INPP5B: variants seen among roughly 807,000 people sequenced by gnomAD.
The protein encoded by INPP5B is type II inositol 1,4,5-trisphosphate 5-phosphatase.
Under a neutral mutation model 118.5 loss-of-function variants are expected in INPP5B, and 90 were observed. That is an observed-to-expected ratio of 0.76 (90% confidence interval 0.64 to 0.90). INPP5B has a LOEUF of 0.90. INPP5B is among the 40% of genes least tolerant of loss of function. The pLI, the probability that INPP5B is intolerant of heterozygous loss-of-function variation, is 0.00. For synonymous variants in INPP5B, 385 were observed against 418.9 expected, an observed-to-expected ratio of 0.92 and a Z score of 0.99; for missense variants, 984 against 1,125.6, an observed-to-expected ratio of 0.87 and a Z score of 1.80.
intron 7 of INPP5B, among the ~76,000 whole-genome samples, chr1:37,906,979 A>G (rs1570239139): frequency 6.6e-6 from 1 of 152,316 alleles, no homozygotes; most frequent in Non-Finnish European, 1.5e-5. Context: ...CTATTAACCA[A>G]CTAGTGATCT....
intron 7 of INPP5B, among the ~76,000 whole-genome samples, chr1:37,894,561 CTTTT>C (rs759895009): frequency 1.4e-5 from 2 of 139,022 alleles, no homozygotes; most frequent in African/African-American, 2.6e-5. Flanking sequence ...TTTCTTTTTT[CTTTT>C]TTTTTTTTTT....
rs757069566 is a variant in INPP5B at position 37,865,930 on chromosome 1, A to G, written c.2387-42T>C. The G allele has an allele frequency of 3.9e-5, 63 of 1,604,100 alleles. 2 individuals carry two copies. The South Asian group carries it at 6.2e-4, about 16-fold the overall frequency. On this transcript the variant is annotated intron_variant, in intron 21 of 23. Coordinates refer to ENST00000373024, the MANE Select transcript of INPP5B (RefSeq NM_005540.3). ...TAAGGAACCGATAATGCTGCTGTCC[A>G]TGGTTAGGAAAAGGCCCAGGAGCAA...
intron 7 of INPP5B, 35 bp from the exon 8 acceptor site, chr1:37,891,489 C>T (rs757256490): frequency 2.7e-6 from 4 of 1,463,018 alleles, no homozygotes; most frequent in Non-Finnish European, 3.8e-6. Flanking sequence ...AATATACATA[C>T]ATAGGCTGGA....
At chr1:37,924,165 C>T (rs1645145777) in intron 7 of INPP5B, among the ~76,000 whole-genome samples, 1 of 150,316 alleles carries the variant, frequency 6.7e-6, no homozygotes, top group Non-Finnish European at 1.5e-5. Flanking sequence ...GAGCATTTAC[C>T]ATTTCTTTTT....
At chr1:37,893,994 G>T (rs1643925269) in intron 7 of INPP5B, among the ~76,000 whole-genome samples, 1 of 152,200 alleles carries the variant, frequency 6.6e-6, no homozygotes, top group African/African-American at 2.4e-5. Flanking sequence ...AGGTCATACA[G>T]TCTCTTGCAA....
chr1:37,876,066 T>G (rs1376223974), intron 16 of INPP5B, among the ~76,000 whole-genome samples: 1 of 152,048 alleles, frequency 6.6e-6, no homozygotes, highest in African/African-American at 2.4e-5. Flanking sequence ...CAGTGAGAAC[T>G]TTTTCTAAGG....
intron 15 of INPP5B, 112 bp from the exon 16 acceptor site, chr1:37,878,435 G>A: frequency 6.7e-7 from 1 of 1,500,546 alleles, no homozygotes. Context: ...ATGTCCATGT[G>A]GCTAAGTCAT....
At chr1:37,871,103 A>G (rs957719109) in intron 19 of INPP5B, among the ~76,000 whole-genome samples, 1 of 146,236 alleles carries the variant, frequency 6.8e-6, no homozygotes, top group Non-Finnish European at 1.5e-5. Context: ...GGTTGCAGTG[A>G]GCCCAGATCG....
intron 7 of INPP5B, among the ~76,000 whole-genome samples, chr1:37,909,400 C>T (rs1644609282): frequency 6.6e-6 from 1 of 152,136 alleles, no homozygotes; most frequent in Non-Finnish European, 1.5e-5. Context: ...TCTATTACCT[C>T]CCCTCCTCAC....
At chr1:37,927,975 G>A (rs1318567026) in intron 7 of INPP5B, among the ~76,000 whole-genome samples, 1 of 152,194 alleles carries the variant, frequency 6.6e-6, no homozygotes, top group Admixed American at 6.5e-5. Flanking sequence ...GGCAAAGAAT[G>A]AAGACCAGAT....
chr1:37,907,429 CCCT>C lies in INPP5B; in HGVS notation c.533-15978_533-15976del, dbSNP rs1644537947. 6.6e-6 allele frequency among the ~76,000 whole-genome samples: 1 copy of C among 152,242 alleles called. No individual in the cohort carries two copies. Among genetic ancestry groups the C allele is most frequent in the East Asian group, 1.9e-4 (1 of 5,176 alleles). ...GAAGTTACAGAAGATGGATTTTCAT[CCCT>C]TTGCAACCCTTATGATTAAGGGCTC... On this transcript the variant is annotated intron_variant, in intron 7 of 23. Coordinates refer to ENST00000373024, the MANE Select transcript of INPP5B (RefSeq NM_005540.3). The surrounding 1 kb of genome is among the most constrained non-coding windows in gnomAD (Gnocchi z 4.3).
intron 6 of INPP5B, among the ~76,000 whole-genome samples, chr1:37,938,458 C>T (rs141861680): frequency 6.6e-6 from 1 of 152,186 alleles, no homozygotes; most frequent in East Asian, 1.9e-4. Context: ...TGAGTTCCTG[C>T]TATGTGGTAG....
At chr1:37,897,640 GT>G (rs1644170695) in intron 7 of INPP5B, among the ~76,000 whole-genome samples, 1 of 151,120 alleles carries the variant, frequency 6.6e-6, no homozygotes, top group South Asian at 2.1e-4. Flanking sequence ...AGAGACCTTT[GT>G]TCACTTGTTT....
intron 3 of INPP5B, among the ~76,000 whole-genome samples, chr1:37,944,584 G>A (rs1051913910): frequency 3.5e-5 from 5 of 143,132 alleles, no homozygotes; most frequent in African/African-American, 5.1e-5. Flanking sequence ...CATGGTGTTC[G>A]TTTTTTTTTT....
chr1:37,939,238 C>T (rs1434659445), intron 6 of INPP5B, among the ~76,000 whole-genome samples: 1 of 149,136 alleles, frequency 6.7e-6, no homozygotes, highest in Non-Finnish European at 1.5e-5. Flanking sequence ...GTGGTGGGCG[C>T]CTGTAATCCC....
intron 7 of INPP5B, among the ~76,000 whole-genome samples, chr1:37,896,519 G>A (rs1221776158): frequency 6.8e-6 from 1 of 146,852 alleles, no homozygotes; most frequent in African/African-American, 2.5e-5. Flanking sequence ...GGCAGGTGAG[G>A]GGCGCCTCTG....
intron 7 of INPP5B, among the ~76,000 whole-genome samples, chr1:37,908,641 G>A (rs931628974): frequency 5.3e-5 from 8 of 151,626 alleles, no homozygotes; most frequent in East Asian, 1.9e-4. Flanking sequence ...AAACTCTGGC[G>A]CCAGTCACGG....
intron 6 of INPP5B, among the ~76,000 whole-genome samples, chr1:37,937,449 T>C (rs894947538): frequency 6.6e-6 from 1 of 152,032 alleles, no homozygotes; most frequent in South Asian, 2.1e-4. Flanking sequence ...CTGGCCAACG[T>C]GGTAAAACCC....
At chr1:37,896,287 G>A (rs528197583) in intron 7 of INPP5B, among the ~76,000 whole-genome samples, 5 of 144,068 alleles carry the variant, frequency 3.5e-5, no homozygotes, top group African/African-American at 8.1e-5. Context: ...CAGCCGCCCC[G>A]TCTGAGAAGT....
Sources: gnomAD v4.1 joint callset for allele counts (sites outside exome capture counted in the v4.1 genomes callset) on GRCh38, gnomAD v4.1.1 for gene constraint, Gnocchi (gnomAD v3.1) non-coding constraint, MANE v1.5 for transcripts, NCBI Gene and HGNC (gene_info 2026-07-23, HGNC 2026-07-21) for gene names.